Variants in LRRIQ1 observed in about 807,000 individuals in gnomAD.
The protein encoded by LRRIQ1 is leucine-rich repeat- and IQ domain-containing protein 1.
In LRRIQ1, 210 loss-of-function variants were observed where a neutral mutation model predicts 211.9. The observed-to-expected ratio is 0.99, with a 90% CI of 0.89 to 1.11. The LOEUF (loss-of-function observed/expected upper bound fraction) is 1.11. LRRIQ1 is among the 50% of genes most tolerant of loss of function. LRRIQ1 has a pLI of 0.00. For synonymous variants in LRRIQ1, 699 were observed against 650.1 expected (o/e 1.08, Z -1.14); for missense variants, 2,136 against 1,939.5 (o/e 1.10, Z -1.90).
At chr12:85,189,394 A>G (rs1451200317) in intron 24 of LRRIQ1, among the ~76,000 whole-genome samples, 1 of 152,158 alleles carries the variant, frequency 6.6e-6, no homozygotes, top group Non-Finnish European at 1.5e-5. Flanking sequence ...TTCTTGCCAC[A>G]GTATGAGCAC....
At chr12:85,206,959 G>C (rs563348168) in intron 24 of LRRIQ1, among the ~76,000 whole-genome samples, 3 of 152,082 alleles carry the variant, frequency 2.0e-5, no homozygotes, top group East Asian at 3.9e-4. Context: ...CACTGACCTT[G>C]CTCCCCTGCA....
At chr12:85,133,211 T>G (rs183424274) in intron 18 of LRRIQ1, among the ~76,000 whole-genome samples, 26 of 152,268 alleles carry the variant, frequency 1.7e-4, no homozygotes, top group Admixed American at 5.2e-4. Context: ...TTTTTTATAT[T>G]TTTCCCTTTA....
At chr12:85,166,691 G>A (rs1459271802) in intron 24 of LRRIQ1, among the ~76,000 whole-genome samples, 1 of 152,166 alleles carries the variant, frequency 6.6e-6, no homozygotes, top group Non-Finnish European at 1.5e-5. Flanking sequence ...TTAAGAGATG[G>A]CAGCATAAAT....
rs372706223 is a variant in LRRIQ1, at chr12:85,123,710, A to C, written c.3558-360A>C. On this transcript the variant is annotated intron_variant, in intron 16 of 26. Transcript: ENST00000393217. ...AAAGTCAATGTAGAAAGCACTTTTA[A>C]CTTTATTTCATAAATAACTTCTCCA... 8.5e-5 allele frequency among the ~76,000 whole-genome samples: 13 copies of C among 152,258 alleles called. 1 individual carries two copies. In the East Asian group the frequency reaches 2.1e-3, roughly 25 times the overall value.
chr12:85,125,742 T>C (rs1328155435), intron 17 of LRRIQ1, among the ~76,000 whole-genome samples: 1 of 152,212 alleles, frequency 6.6e-6, no homozygotes, highest in Non-Finnish European at 1.5e-5. Flanking sequence ...ATTTATGTTT[T>C]ATCAGTTTAT....
chr12:85,058,614 TG>T (rs1565795851), intron 8 of LRRIQ1, among the ~76,000 whole-genome samples: 1 of 151,994 alleles, frequency 6.6e-6, no homozygotes, highest in Non-Finnish European at 1.5e-5. Context: ...TCTTTCTCCT[TG>T]GCATTTCTTC....
intron 1 of LRRIQ1, chr12:85,262,879 A>T: frequency 1.1e-6 from 1 of 926,972 alleles, no homozygotes; most frequent in South Asian, 5.0e-5. Context: ...TTTGGTTCAT[A>T]TTCAGTGAAA....
chr12:85,229,576 A>G lies in LRRIQ1; in HGVS notation c.4882A>G (p.Arg1628Gly), dbSNP rs1894833709. 4.3e-6 allele frequency: 7 copies of G among 1,612,934 alleles called. No individual in the cohort carries two copies. The South Asian group carries it at 7.7e-5, about 18-fold the overall frequency. ...TTANEKLERN[R>G]EYTYQWLHTQ... Reference sequence around the variant, plus strand: ...TGCAAATGAAAAATTAGAACGGAATAGAGAATATACATACCAATGGCTTCA... The same window carrying G: ...TGCAAATGAAAAATTAGAACGGAATGGAGAATATACATACCAATGGCTTCA... The change falls in exon 25 of 27, where the codon AGA (arginine) becomes GGA (glycine). Residue 1628 changes from arginine to glycine, a missense_variant. Arg to Gly is a moderately radical substitution (Grantham distance 125, BLOSUM62 -2). Transcript: ENST00000393217.
intron 26 of LRRIQ1, among the ~76,000 whole-genome samples, chr12:85,242,359 A>G (rs1895503057): frequency 6.6e-6 from 1 of 151,972 alleles, no homozygotes; most frequent in Non-Finnish European, 1.5e-5. Flanking sequence ...CAAATAAAAA[A>G]ACAATAGAGT....
Position 85,244,550 on chromosome 12 carries a change from T to C in LRRIQ1, c.5017-239T>C, listed in dbSNP as rs376542327. The stretch of plus-strand genomic sequence containing the variant: ...TCATCAAAATTACTGTACTAAAATG[T>C]TTTCTTTTGTTGTACAGACTCAAAT... On this transcript the variant is annotated intron_variant, in intron 26 of 26. Coordinates refer to ENST00000393217, the MANE Select transcript of LRRIQ1 (RefSeq NM_001079910.2). 7.8e-4 allele frequency among the ~76,000 whole-genome samples: 118 copies of C among 151,844 alleles called. 4 individuals are homozygous for C. The South Asian group carries it at 0.024, about 31-fold the overall frequency.
At chr12:85,096,178 T>G (rs1022359420) in intron 11 of LRRIQ1, among the ~76,000 whole-genome samples, 1 of 152,182 alleles carries the variant, frequency 6.6e-6, no homozygotes, top group Non-Finnish European at 1.5e-5. Flanking sequence ...TGTGGTGATT[T>G]TAGTTATTTC....
chr12:85,049,127 T>G (rs1215514782), intron 6 of LRRIQ1, among the ~76,000 whole-genome samples: 1 of 152,202 alleles, frequency 6.6e-6, no homozygotes, highest in Non-Finnish European at 1.5e-5. Context: ...GCTTAAAAGT[T>G]TCCAATGGTT....
intron 16 of LRRIQ1, among the ~76,000 whole-genome samples, chr12:85,123,488 G>T (rs1205103925): frequency 6.6e-6 from 1 of 151,996 alleles, no homozygotes; most frequent in East Asian, 1.9e-4. Flanking sequence ...ATTAAATTTT[G>T]ATTAATTATA....
At position 85,137,858 on chromosome 12, in the gene LRRIQ1, G is replaced by T. The variant is rs957337654; in HGVS notation, c.4218G>T (p.Trp1406Cys). The change falls in exon 19 of 27, where the codon TGG becomes TGT. Residue 1406 changes from tryptophan (W) to cysteine (C), a missense_variant. Trp to Cys is a radical substitution (Grantham distance 215). Coordinates refer to ENST00000393217, the MANE Select transcript of LRRIQ1 (RefSeq NM_001079910.2). Reference protein sequence around the residue: ...EKAAILIQAVWKGFILRKKLT... With the variant: ...EKAAILIQAVCKGFILRKKLT... ...TTTACATTTTTGTTTAGGCAGTTTGGAAGGGCTTTATTTTGCGAAAGAAAC... is the reference window on the plus strand; with the variant it reads ...TTTACATTTTTGTTTAGGCAGTTTGTAAGGGCTTTATTTTGCGAAAGAAAC... 1.3e-6 allele frequency: 2 copies of T among 1,590,096 alleles called. No homozygotes were observed. The highest frequency in any genetic ancestry group is 3.7e-5 in the Admixed American group (2 of 53,762).
At chr12:85,216,752 C>G (rs530622206) in intron 24 of LRRIQ1, among the ~76,000 whole-genome samples, 2 of 151,774 alleles carry the variant, frequency 1.3e-5, no homozygotes, top group African/African-American at 2.4e-5. Context: ...CTGCTTTTAC[C>G]TATTTTCAAA....
chr12:85,102,792 G>T (rs1886445225), intron 13 of LRRIQ1, among the ~76,000 whole-genome samples: 1 of 151,028 alleles, frequency 6.6e-6, no homozygotes, highest in Admixed American at 6.6e-5. Context: ...AGGACAACTG[G>T]AGGGAGAGTA....
chr12:85,052,142 G>T, intron 6 of LRRIQ1, 35 bp from the exon 7 acceptor site: 1 of 1,085,336 alleles, frequency 9.2e-7, no homozygotes, highest in Non-Finnish European at 1.3e-6. Context: ...TTTGATATTT[G>T]AGTATAGTCA....
intron 26 of LRRIQ1, among the ~76,000 whole-genome samples, chr12:85,233,406 T>G (rs1895040219): frequency 6.6e-6 from 1 of 152,068 alleles, no homozygotes. Flanking sequence ...TTCTGACCAG[T>G]GACAGAAGTG....
At chr12:85,125,080 G>C (rs539728611) in intron 17 of LRRIQ1, among the ~76,000 whole-genome samples, 164 of 152,090 alleles carry the variant, frequency 1.1e-3, no homozygotes, top group African/African-American at 3.8e-3. Flanking sequence ...TTGGGAGGCT[G>C]AGGCAGGAGA....
Sources: gnomAD v4.1 joint callset for allele counts (sites outside exome capture counted in the v4.1 genomes callset) on GRCh38, gnomAD v4.1.1 for gene constraint, MANE v1.5 for transcripts, NCBI Gene and HGNC (gene_info 2026-07-23, HGNC 2026-07-21) for gene names.